The following PCDHA5 variants were observed in gnomAD, a reference collection of about 807,000 sequenced individuals.
The protein encoded by PCDHA5 is protocadherin alpha 5.
Under a neutral mutation model 61.6 loss-of-function variants are expected in PCDHA5, and 43 were observed. The observed-to-expected ratio is 0.70, with a 90% CI of 0.55 to 0.90. The LOEUF (loss-of-function observed/expected upper bound fraction) is 0.90. Among genes scored for constraint, PCDHA5 ranks in the 40% least tolerant of loss-of-function variants. The pLI is 0.00. For synonymous variants in PCDHA5, 627 were observed against 543.9 expected, an observed-to-expected ratio of 1.15 and a Z score of -2.13; for missense variants, 1,298 against 1,222.7, an observed-to-expected ratio of 1.06 and a Z score of -0.92.
intron 1 of PCDHA5, chr5:140,929,151 T>C: frequency 6.2e-7 from 1 of 1,614,202 alleles, no homozygotes; most frequent in East Asian, 2.2e-5. Context: ...TTTCTCAGAC[T>C]TATCTCTATC....
At chr5:140,904,018 A>G (rs2070774543) in intron 1 of PCDHA5, among the ~76,000 whole-genome samples, 1 of 152,198 alleles carries the variant, frequency 6.6e-6, no homozygotes. Context: ...TTAAAAAATA[A>G]TGGTATAATT....
chr5:140,987,106 C>T (rs113308102), intron 3 of PCDHA5, among the ~76,000 whole-genome samples: 4,830 of 151,440 alleles, frequency 0.032, 263 homozygotes, highest in African/African-American at 0.11. Context: ...CCCAGCTACT[C>T]GGGAGGCTGA....
intron 1 of PCDHA5, among the ~76,000 whole-genome samples, chr5:140,969,831 G>A (rs559083785): frequency 3.9e-4 from 60 of 152,296 alleles, no homozygotes; most frequent in African/African-American, 1.4e-3. Context: ...TGTCTACAGT[G>A]GAAATTATCT....
At chr5:140,828,115 A>G (rs2150151163) in intron 1 of PCDHA5, 1 of 1,612,394 alleles carries the variant, frequency 6.2e-7, no homozygotes, top group Non-Finnish European at 8.5e-7. Flanking sequence ...CGGAGGATAG[A>G]TTGGGAAAGC....
intron 1 of PCDHA5, among the ~76,000 whole-genome samples, chr5:140,932,585 T>C (rs1275216145): frequency 6.6e-6 from 1 of 151,944 alleles, no homozygotes; most frequent in Non-Finnish European, 1.5e-5. Flanking sequence ...GGTAATTAGA[T>C]GTTTTGTATA....
At position 141,011,045 on chromosome 5, in the gene PCDHA5, G is replaced by A. The variant is rs949707438; in HGVS notation, c.*1108G>A. 2 of 153,712 alleles carry A rather than the reference G, an allele frequency of 1.3e-5. No individual in the cohort carries two copies. Among genetic ancestry groups the A allele is most frequent in the African/African-American group, 4.8e-5 (2 of 41,422 alleles). The allele number at this position is 153,712 out of a possible 1,614,324, so 9.5% of individuals were successfully genotyped here. ...CAGCTTTACTCTTTCAGGTCACTCT[G>A]GGGCTGCCTCTTGCATGTATTACTA... On this transcript the variant is annotated 3_prime_UTR_variant, in exon 4 of 4. Coordinates refer to ENST00000529859, the MANE Select transcript of PCDHA5 (RefSeq NM_018908.3).
At chr5:140,875,094 T>C (rs1554167483) in intron 1 of PCDHA5, among the ~76,000 whole-genome samples, 1 of 152,258 alleles carries the variant, frequency 6.6e-6, no homozygotes. Flanking sequence ...AAATTGTTGA[T>C]GTTTTGTTAC....
At position 140,899,258 on chromosome 5, in the gene PCDHA5, T is replaced by C. The variant is rs1293804815; in HGVS notation, c.2352+75131T>C. On this transcript the variant is annotated intron_variant, in intron 1 of 3. Transcript: ENST00000529859. Reference sequence around the variant, plus strand: ...TAGGAGTGGTGAGAGAGGGCATCCCTGTCTTGTGGCAGTTTTCAAAGGGAA... The same window carrying C: ...TAGGAGTGGTGAGAGAGGGCATCCCCGTCTTGTGGCAGTTTTCAAAGGGAA... Among the ~76,000 whole-genome samples the C allele has an allele frequency of 3.7e-4, 56 of 152,282 alleles. No individual in the cohort carries two copies. In the South Asian group the frequency reaches 0.012, roughly 32 times the overall value.
At chr5:140,967,456 G>C in intron 1 of PCDHA5, 1 of 1,613,598 alleles carries the variant, frequency 6.2e-7, no homozygotes, top group Non-Finnish European at 8.5e-7. Context: ...TCACAGCCGT[G>C]GATGGGGGCA....
chr5:140,834,758 C>T (rs2150225679), intron 1 of PCDHA5: 11 of 1,614,006 alleles, frequency 6.8e-6, no homozygotes, highest in Non-Finnish European at 8.5e-6. Flanking sequence ...AGGTGAAGGA[C>T]ATTAACGACA....
At chr5:140,854,198 C>T (rs1554147125) in intron 1 of PCDHA5, 1 of 547,806 alleles carries the variant, frequency 1.8e-6, no homozygotes, top group East Asian at 1.4e-4. Flanking sequence ...CTACTCCCTA[C>T]TTTTTATTCA....
rs2150124401 is a variant in PCDHA5, at chr5:140,823,294, G to A, written c.1519G>A (p.Val507Ile). 4 of 1,612,490 alleles carry A rather than the reference G, an allele frequency of 2.5e-6. No individual in the cohort carries two copies. The highest frequency in any genetic ancestry group is 2.2e-5 in the South Asian group (2 of 91,014). ...GGGCGAGCGCCCGCTGTCGAGTTAC[G>A]TTTCGGTGCACGCGGAGAGCGGCAA... is the stretch of plus-strand genomic sequence containing the variant. ...RVGERPLSSYVSVHAESGKVY... is the reference protein window; with the variant it reads ...RVGERPLSSYISVHAESGKVY... Residue 507 changes from valine (V) to isoleucine (I), a missense_variant, in exon 1 of 4, where the codon GTT (valine) becomes ATT (isoleucine). Physicochemically the swap from Val to Ile is conservative, Grantham distance 29. Transcript: ENST00000529859.
chr5:140,850,776 G>A (rs2150497794), intron 1 of PCDHA5: 1 of 1,598,166 alleles, frequency 6.3e-7, no homozygotes, highest in South Asian at 1.1e-5. Context: ...GGTGTGCTCT[G>A]GCGAGGGTAA....
chr5:140,845,039 C>T (rs1485557365), intron 1 of PCDHA5, among the ~76,000 whole-genome samples: 2 of 149,068 alleles, frequency 1.3e-5, no homozygotes, highest in Non-Finnish European at 3.0e-5. Context: ...ATTTTAGCCC[C>T]CTTGTCCAAC....
chr5:140,933,753 G>A (rs1554209575), intron 1 of PCDHA5, among the ~76,000 whole-genome samples: 1 of 151,976 alleles, frequency 6.6e-6, no homozygotes. Context: ...GAATTCACTA[G>A]TGAAGCTCTC....
intron 1 of PCDHA5, among the ~76,000 whole-genome samples, chr5:140,827,203 G>A (rs1239301472): frequency 2.6e-5 from 4 of 152,154 alleles, no homozygotes; most frequent in Non-Finnish European, 5.9e-5. Context: ...GGAAGTGAGT[G>A]AGAACAATTA....
At chr5:140,858,605 T>C (rs553423419) in intron 1 of PCDHA5, 1 of 1,265,752 alleles carries the variant, frequency 7.9e-7, no homozygotes, top group South Asian at 1.5e-5. Flanking sequence ...AGTTTTAAAA[T>C]TTTTTTATCC....
chr5:140,974,605 G>T (rs2096633635), intron 1 of PCDHA5, among the ~76,000 whole-genome samples: 1 of 152,088 alleles, frequency 6.6e-6, no homozygotes, highest in Non-Finnish European at 1.5e-5. Context: ...TCTGCCTCCA[G>T]GGTTCAAGCG....
intron 1 of PCDHA5, chr5:140,969,442 T>G (rs1554231813): frequency 1.6e-5 from 25 of 1,543,830 alleles, no homozygotes; most frequent in Non-Finnish European, 2.2e-5. Flanking sequence ...AGTTATCTGG[T>G]AAACTGAGTA....
Sources: gnomAD v4.1 joint callset for allele counts (sites outside exome capture counted in the v4.1 genomes callset) on GRCh38, gnomAD v4.1.1 for gene constraint, MANE v1.5 for transcripts, NCBI Gene and HGNC (gene_info 2026-07-23, HGNC 2026-07-21) for gene names.